GCLM: variants seen among roughly 807,000 people sequenced by gnomAD.
The protein encoded by GCLM is glutamate--cysteine ligase regulatory subunit.
GCLM carries 15 observed loss-of-function variants against 36.0 expected under a neutral mutation model. That is an observed-to-expected ratio of 0.42 (90% confidence interval 0.28 to 0.64). GCLM has a LOEUF of 0.64. Among genes scored for constraint, GCLM ranks in the 30% least tolerant of loss-of-function variants. The pLI, the probability that GCLM is intolerant of heterozygous loss-of-function variation, is 0.25. For synonymous variants in GCLM, 129 were observed against 122.8 expected, an observed-to-expected ratio of 1.05 and a Z score of -0.34; for missense variants, 242 against 325.5, an observed-to-expected ratio of 0.74 and a Z score of 1.97.
In GCLM at chr1:93,901,635, T is replaced by C. The variant is rs1438043259; in HGVS notation, c.227A>G (p.His76Arg). 6.4e-7 allele frequency: 1 copy of C among 1,571,504 alleles called. No homozygotes were observed. Among genetic ancestry groups the C allele is most frequent in the African/African-American group, 1.4e-5 (1 of 73,936 alleles). Reference protein sequence around the residue: ...FPDVLECTVSHAVEKINPDER... With the variant: ...FPDVLECTVSRAVEKINPDER... ...ATCAGGATTTATCTTTTCTACTGCA[T>C]GAGATACAGTGCATTCCAAGACATC... The change falls in exon 3 of 7, where the codon CAT (histidine) becomes CGT (arginine). Residue 76 changes from histidine (H) to arginine (R), a missense_variant. Physicochemically the swap from His to Arg is conservative, Grantham distance 29 (BLOSUM62 0). Transcript: ENST00000370238.
chr1:93,899,152 T>C (rs1008630509), intron 3 of GCLM, among the ~76,000 whole-genome samples: 9 of 151,918 alleles, frequency 5.9e-5, no homozygotes, highest in African/African-American at 1.9e-4. Flanking sequence ...TCTTGGTTCA[T>C]TGCAACCTCC....
Position 93,909,295 on chromosome 1 carries a change from G to A in GCLM, c.-132C>T, listed in dbSNP as rs1021873879. On this transcript the variant is annotated 5_prime_UTR_variant, in exon 1 of 7. Coordinates refer to ENST00000370238, the MANE Select transcript of GCLM (RefSeq NM_002061.4). ...GGGAGCGCGAGGCTGCCGGCGCCGC[G>A]CGGCTGGAGCCTGGTCTGCGCTCGG... is the stretch of plus-strand genomic sequence containing the variant. The A allele has an allele frequency of 1.9e-6, 2 of 1,047,328 alleles. No individual in the cohort carries two copies. The highest frequency in any genetic ancestry group is 2.3e-6 in the Non-Finnish European group (2 of 871,782). 64.9% of individuals were successfully genotyped at this position (1,047,328 alleles called of 1,614,324 possible).
At chr1:93,904,101 T>C (rs1334442823) in intron 2 of GCLM, among the ~76,000 whole-genome samples, 3 of 152,204 alleles carry the variant, frequency 2.0e-5, no homozygotes, top group Non-Finnish European at 4.4e-5. Context: ...ACATTTATGA[T>C]AGTAGCCATA....
At chr1:93,890,432 T>C (rs1420910510) in intron 6 of GCLM, among the ~76,000 whole-genome samples, 2 of 152,184 alleles carry the variant, frequency 1.3e-5, no homozygotes, top group Admixed American at 6.5e-5. Context: ...AAAAGCCATA[T>C]ACACATAAAT....
intron 1 of GCLM, among the ~76,000 whole-genome samples, chr1:93,905,810 C>A (rs1657129453): frequency 6.6e-6 from 1 of 152,130 alleles, no homozygotes. Flanking sequence ...CTAATGGCTT[C>A]CAATATATTA....
At chr1:93,907,005 G>A (rs911507973) in intron 1 of GCLM, among the ~76,000 whole-genome samples, 4 of 152,102 alleles carry the variant, frequency 2.6e-5, no homozygotes, top group African/African-American at 7.2e-5. Flanking sequence ...AGAACTAGAA[G>A]AGACCTTGTA....
rs775677339 is a variant in GCLM at position 93,889,063 on chromosome 1, G to A, written c.752C>T (p.Ser251Leu). ...EWVPLWLLRY[S>L]VIVKSRGIIK... is the part of the protein sequence containing the mutation. ...AATTCCTCTACTTTTCACAATGACC[G>A]AATACCGCAGTAGCCACAGCGGCAC... Residue 251 changes from serine to leucine, a missense_variant, in exon 7 of 7, where the codon TCG becomes TTG. Ser to Leu is a moderately radical substitution (Grantham distance 145). Coordinates refer to ENST00000370238, the MANE Select transcript of GCLM (RefSeq NM_002061.4). The A allele has an allele frequency of 2.9e-4, 469 of 1,601,718 alleles. No individual in the cohort carries two copies. Among genetic ancestry groups the A allele is most frequent in the Non-Finnish European group, 3.8e-4 (450 of 1,174,146 alleles).
chr1:93,907,017 G>A (rs1231211803), intron 1 of GCLM, among the ~76,000 whole-genome samples: 1 of 152,172 alleles, frequency 6.6e-6, no homozygotes, highest in African/African-American at 2.4e-5. Context: ...GACCTTGTAA[G>A]AAATTTAACT....
At position 93,901,657 on chromosome 1, in the gene GCLM, C is replaced by T. The variant is rs1557731146; in HGVS notation, c.205G>A (p.Val69Ile). The change falls in exon 3 of 7, where the codon GTC becomes ATC. Residue 69 changes from valine (V) to isoleucine (I), a missense_variant. By Grantham distance (29) the Val-to-Ile change is conservative. Transcript: ENST00000370238. ...NPDLVREFPDVLECTVSHAVE... is the reference protein window; with the variant it reads ...NPDLVREFPDILECTVSHAVE... ...GCATGAGATACAGTGCATTCCAAGA[C>T]ATCTGGAAACTCCTATAATAAACAC... The T allele has an allele frequency of 1.3e-6, 2 of 1,494,256 alleles. No homozygotes were observed. Among genetic ancestry groups the T allele is most frequent in the Non-Finnish European group, 9.3e-7 (1 of 1,075,924 alleles). The allele number at this position is 1,494,256 out of a possible 1,614,324, so 92.6% of individuals were successfully genotyped here.
At chr1:93,896,862 A>T in intron 4 of GCLM, 42 bp from the exon 5 acceptor site, 1 of 1,047,432 alleles carries the variant, frequency 9.5e-7, no homozygotes, top group Non-Finnish European at 1.5e-6. Flanking sequence ...TGCTTACATC[A>T]TAAAAACAAA....
rs1023810864 is a variant in GCLM at position 93,888,436 on chromosome 1, A to C, written c.*554T>G. Reference sequence around the variant, plus strand: ...AACTATAAGCAAGGACACATAAAAAAAAATTTAAGTTTCCATTCATGTATT... The same window carrying C: ...AACTATAAGCAAGGACACATAAAAACAAATTTAAGTTTCCATTCATGTATT... On this transcript the variant is annotated 3_prime_UTR_variant, in exon 7 of 7. Transcript: ENST00000370238. 1.3e-5 allele frequency: 2 copies of C among 152,240 alleles called. No homozygotes were observed. The highest frequency in any genetic ancestry group is 1.3e-4 in the Admixed American group (2 of 15,286). 9.4% of individuals were successfully genotyped at this position (152,240 alleles called of 1,614,324 possible). A position where few individuals can be genotyped will look rare whatever the true frequency, so the allele number is the denominator to read the frequency against.
At chr1:93,906,094 C>T (rs1303640499) in intron 1 of GCLM, among the ~76,000 whole-genome samples, 4 of 152,158 alleles carry the variant, frequency 2.6e-5, no homozygotes, top group Non-Finnish European at 2.9e-5. Context: ...CACTTTACTA[C>T]GTATATCTTA....
chr1:93,906,490 A>G (rs748160622), intron 1 of GCLM, among the ~76,000 whole-genome samples: 4 of 152,162 alleles, frequency 2.6e-5, no homozygotes, highest in Non-Finnish European at 5.9e-5. Flanking sequence ...GAATTCCTCA[A>G]TTCAGGAAGG....
In GCLM at chr1:93,896,478, C is replaced by T. The variant is rs1052344083; in HGVS notation, c.540+140G>A. The stretch of plus-strand genomic sequence containing the variant: ...GATAAAACCTGCCTCAAAACTCCTG[C>T]AGAAACAAAACAAAACTCCCACATG... On this transcript the variant is annotated intron_variant, in intron 5 of 6. Transcript: ENST00000370238. 3 of 678,976 alleles carry T rather than the reference C, an allele frequency of 4.4e-6. No homozygotes were observed. The Admixed American group carries it at 7.2e-5, about 16-fold the overall frequency. 42.1% of individuals were successfully genotyped at this position (678,976 alleles called of 1,614,324 possible).
chr1:93,908,100 G>C (rs1657209530), intron 1 of GCLM, among the ~76,000 whole-genome samples: 1 of 152,194 alleles, frequency 6.6e-6, no homozygotes, highest in African/African-American at 2.4e-5. Flanking sequence ...ACAACCTGAT[G>C]AGGAAGGTGT....
At chr1:93,901,231 A>C (rs1321912003) in intron 3 of GCLM, among the ~76,000 whole-genome samples, 1 of 152,160 alleles carries the variant, frequency 6.6e-6, no homozygotes, top group Non-Finnish European at 1.5e-5. Context: ...GTATCTTACC[A>C]GGAAGGGGGT....
intron 6 of GCLM, among the ~76,000 whole-genome samples, chr1:93,889,747 AAT>A (rs1489496141): frequency 4.0e-5 from 6 of 151,674 alleles, no homozygotes; most frequent in Admixed American, 2.0e-4. Context: ...TTTCCCATGT[AAT>A]AGTCTGTGAA....
At chr1:93,889,569 A>G (rs2100904105) in intron 6 of GCLM, among the ~76,000 whole-genome samples, 1 of 151,946 alleles carries the variant, frequency 6.6e-6, no homozygotes, top group South Asian at 2.1e-4. Context: ...GTATATGAGT[A>G]TATATCTTCA....
intron 1 of GCLM, among the ~76,000 whole-genome samples, chr1:93,907,737 A>T (rs1657196717): frequency 6.6e-6 from 1 of 152,214 alleles, no homozygotes; most frequent in African/African-American, 2.4e-5. Flanking sequence ...AAACATACAC[A>T]CTGAGCTGGA....
Sources: allele counts gnomAD v4.1 joint callset (sites outside exome capture counted in the v4.1 genomes callset), GRCh38; gene constraint gnomAD v4.1.1; transcripts MANE v1.5; gene names NCBI Gene and HGNC (gene_info 2026-07-23, HGNC 2026-07-21).